DPYD: variants seen among roughly 807,000 people sequenced by gnomAD.
The protein encoded by DPYD is dihydropyrimidine dehydrogenase.
In DPYD, 109 loss-of-function variants were observed where a neutral mutation model predicts 116.2. That is an observed-to-expected ratio of 0.94 (90% CI 0.80 to 1.10). The LOEUF is 1.10. Ranked by LOEUF, DPYD falls within the 50% of genes least tolerant of loss-of-function variation. DPYD has a pLI of 0.00. For synonymous variants in DPYD, 440 were observed against 432.0 expected (o/e 1.02, Z -0.23); for missense variants, 1,302 against 1,254.5 (o/e 1.04, Z -0.57).
chr1:97,177,528 C>T (rs1208892511), intron 20 of DPYD, among the ~76,000 whole-genome samples: 1 of 150,322 alleles, frequency 6.7e-6, no homozygotes, highest in African/African-American at 2.4e-5. Flanking sequence ...AGAACCTGAA[C>T]TGTGAAGGGA....
At chr1:97,906,043 A>C (rs1160704633) in intron 1 of DPYD, among the ~76,000 whole-genome samples, 7 of 152,022 alleles carry the variant, frequency 4.6e-5, no homozygotes, top group Non-Finnish European at 2.9e-5. Flanking sequence ...CTCTGAGTGC[A>C]TAGATCCATG....
rs1451761135 is a variant in DPYD, at chr1:97,630,165, A to G, written c.851-34999T>C. ...TTTGGCTATTACGGATAAAGCCACT[A>G]TATACAGTCAAAAAAAAAAGAAATA... On this transcript the variant is annotated intron_variant, in intron 8 of 22. Transcript: ENST00000370192. Among the ~76,000 whole-genome samples the G allele has an allele frequency of 2.6e-5, 4 of 151,844 alleles. No individual in the cohort carries two copies. In the East Asian group the frequency reaches 7.7e-4, roughly 29 times the overall value.
chr1:97,813,703 T>G (rs12059052), intron 3 of DPYD, among the ~76,000 whole-genome samples: 111,872 of 151,986 alleles, frequency 0.74, 41,716 homozygotes, highest in East Asian at 0.98. Flanking sequence ...GGGACAGAGC[T>G]ATAAGCCTGA....
At chr1:97,756,470 C>A (rs771481636) in intron 3 of DPYD, among the ~76,000 whole-genome samples, 1 of 152,050 alleles carries the variant, frequency 6.6e-6, no homozygotes, top group African/African-American at 2.4e-5. Flanking sequence ...AACATGAATG[C>A]CTTCCATATG....
intron 8 of DPYD, among the ~76,000 whole-genome samples, chr1:97,623,778 AAT>A (rs1002987168): frequency 2.0e-5 from 3 of 152,032 alleles, no homozygotes; most frequent in Non-Finnish European, 2.9e-5. Flanking sequence ...GCCAAAAAAA[AAT>A]AGACACATCA....
At chr1:97,263,600 A>G (rs1214631510) in intron 18 of DPYD, among the ~76,000 whole-genome samples, 1 of 152,140 alleles carries the variant, frequency 6.6e-6, no homozygotes, top group Admixed American at 6.6e-5. Context: ...AAACAATTAC[A>G]CTTAAGAAAA....
chr1:97,183,589 C>T (rs1399273379), intron 20 of DPYD, among the ~76,000 whole-genome samples: 1 of 152,044 alleles, frequency 6.6e-6, no homozygotes, highest in African/African-American at 2.4e-5. Flanking sequence ...TTTGGCTATT[C>T]TAGTTTGTCT....
At chr1:97,207,203 A>G (rs1444328894) in intron 19 of DPYD, among the ~76,000 whole-genome samples, 1 of 152,162 alleles carries the variant, frequency 6.6e-6, no homozygotes, top group Non-Finnish European at 1.5e-5. Context: ...TTCCCTGTCC[A>G]GAATACATTT....
intron 1 of DPYD, among the ~76,000 whole-genome samples, chr1:97,912,740 G>A (rs1674015073): frequency 6.6e-6 from 1 of 152,112 alleles, no homozygotes; most frequent in Non-Finnish European, 1.5e-5. Flanking sequence ...TGAACATTTT[G>A]TGGTGAACGG....
intron 13 of DPYD, among the ~76,000 whole-genome samples, chr1:97,502,999 C>G (rs566703397): frequency 6.6e-6 from 1 of 152,060 alleles, no homozygotes; most frequent in Non-Finnish European, 1.5e-5. Context: ...ACCCTCAACA[C>G]TTTTCTCAAA....
chr1:97,744,283 G>T (rs1363050406), intron 3 of DPYD, among the ~76,000 whole-genome samples: 2 of 151,962 alleles, frequency 1.3e-5, no homozygotes, highest in Non-Finnish European at 2.9e-5. Context: ...ATATTATAGT[G>T]AGTAATGAAA....
intron 22 of DPYD, among the ~76,000 whole-genome samples, chr1:97,081,717 CTTTTTTT>C (rs371355751): frequency 5.1e-5 from 7 of 136,472 alleles, no homozygotes; most frequent in Admixed American, 1.5e-4. Flanking sequence ...CTTTTCTTTT[CTTTTTTT>C]TTTTTTTTTT....
chr1:97,510,985 T>C (rs926536887), intron 13 of DPYD, among the ~76,000 whole-genome samples: 9 of 151,860 alleles, frequency 5.9e-5, no homozygotes, highest in Admixed American at 4.6e-4. Flanking sequence ...TCCCACATGA[T>C]TGCTATATGC....
chr1:97,609,084 A>G (rs1382561843), intron 8 of DPYD, among the ~76,000 whole-genome samples: 1 of 151,996 alleles, frequency 6.6e-6, no homozygotes, highest in Admixed American at 6.6e-5. Flanking sequence ...CCTTTGGTTT[A>G]ATAAACTGAG....
At chr1:97,448,409 C>T (rs1156626080) in intron 14 of DPYD, among the ~76,000 whole-genome samples, 1 of 152,076 alleles carries the variant, frequency 6.6e-6, no homozygotes, top group Non-Finnish European at 1.5e-5. Flanking sequence ...GAAAATAATA[C>T]TACCTATCTT....
intron 16 of DPYD, among the ~76,000 whole-genome samples, chr1:97,347,582 G>A (rs1170199121): frequency 6.6e-6 from 1 of 151,992 alleles, no homozygotes; most frequent in African/African-American, 2.4e-5. Flanking sequence ...GAGTGAGACT[G>A]ACCTATAATT....
At chr1:97,611,516 G>C (rs1358141646) in intron 8 of DPYD, among the ~76,000 whole-genome samples, 1 of 151,968 alleles carries the variant, frequency 6.6e-6, no homozygotes, top group Non-Finnish European at 1.5e-5. Flanking sequence ...GGTGTTCTAG[G>C]AGGTTACAGG....
At chr1:97,116,731 A>G (rs1651992977) in intron 20 of DPYD, among the ~76,000 whole-genome samples, 1 of 152,056 alleles carries the variant, frequency 6.6e-6, no homozygotes, top group Non-Finnish European at 1.5e-5. Flanking sequence ...ATGACAAATC[A>G]TGGATTTACT....
rs1157884650 is a variant in DPYD at position 97,369,392 on chromosome 1, T to C, written c.2058+4169A>G. Among the ~76,000 whole-genome samples the C allele has an allele frequency of 2.0e-5, 3 of 152,186 alleles. No individual in the cohort carries two copies. In the East Asian group the frequency reaches 5.8e-4, roughly 29 times the overall value. On this transcript the variant is annotated intron_variant, in intron 16 of 22. Coordinates refer to ENST00000370192, the MANE Select transcript of DPYD (RefSeq NM_000110.4). The stretch of plus-strand genomic sequence containing the variant: ...TATAAAGACAACTTTAGAGCCTATG[T>C]AATCCTGCACTTAATTTTCAGTTAA...
Sources: gnomAD v4.1 joint callset for allele counts (sites outside exome capture counted in the v4.1 genomes callset) on GRCh38, gnomAD v4.1.1 for gene constraint, MANE v1.5 for transcripts, NCBI Gene and HGNC (gene_info 2026-07-23, HGNC 2026-07-21) for gene names.